Variants in NRF1 observed in about 807,000 individuals in gnomAD.
The protein encoded by NRF1 is nuclear respiratory factor 1, also known as alpha palindromic-binding protein.
In NRF1, 5 loss-of-function variants were observed where a neutral mutation model predicts 58.5. The observed-to-expected ratio is 0.09, with a 90% CI of 0.04 to 0.18. NRF1 has a LOEUF of 0.18. Ranked by LOEUF, NRF1 falls within the 10% of genes least tolerant of loss-of-function variation. NRF1 has a pLI of 1.00. For missense variants in NRF1, 288 were observed against 657.7 expected, an observed-to-expected ratio of 0.44 and a Z score of 6.15; for synonymous variants, 224 against 246.7, an observed-to-expected ratio of 0.91 and a Z score of 0.86.
At chr7:129,675,425 A>G (rs1802153602) in intron 3 of NRF1, among the ~76,000 whole-genome samples, 1 of 152,252 alleles carries the variant, frequency 6.6e-6, no homozygotes, top group Non-Finnish European at 1.5e-5. Context: ...AATCCGTTCT[A>G]GAAGGTTTTC....
intron 1 of NRF1, among the ~76,000 whole-genome samples, chr7:129,628,604 C>G (rs1800975181): frequency 6.6e-6 from 1 of 152,176 alleles, no homozygotes; most frequent in Non-Finnish European, 1.5e-5. Flanking sequence ...CAGCTGAAGT[C>G]TCATCTGCTT....
At chr7:129,702,280 A>G (rs1802843326) in intron 5 of NRF1, among the ~76,000 whole-genome samples, 1 of 152,218 alleles carries the variant, frequency 6.6e-6, no homozygotes, top group South Asian at 2.1e-4. Context: ...AAAGTTTGAT[A>G]GGTTGGGGGT....
At chr7:129,697,683 A>C in intron 5 of NRF1, among the ~76,000 whole-genome samples, 1 of 152,170 alleles carries the variant, frequency 6.6e-6, no homozygotes, top group Non-Finnish European at 1.5e-5. Context: ...TATTGTGTTC[A>C]TTATTCAGAT....
chr7:129,739,650 C>G (rs2116291198), intron 10 of NRF1, among the ~76,000 whole-genome samples: 1 of 152,098 alleles, frequency 6.6e-6, no homozygotes, highest in South Asian at 2.1e-4. Flanking sequence ...ACTGCAGAGT[C>G]CAAGCAGGAA....
intron 3 of NRF1, among the ~76,000 whole-genome samples, chr7:129,676,355 A>G (rs1584631413): frequency 6.6e-6 from 1 of 152,300 alleles, no homozygotes; most frequent in Admixed American, 6.5e-5. Context: ...CTTCCTCACT[A>G]AGCTTAGTCA....
chr7:129,755,257 G>A lies in NRF1; in HGVS notation c.*76G>A. The A allele has an allele frequency of 1.6e-6, 2 of 1,279,974 alleles. No individual in the cohort carries two copies. The highest frequency in any genetic ancestry group is 2.0e-5 in the South Asian group (1 of 50,390). The allele number at this position is 1,279,974 out of a possible 1,614,324, so 79.3% of individuals were successfully genotyped here. A position where few individuals can be genotyped will look rare whatever the true frequency, so the allele number is the denominator to read the frequency against. On this transcript the variant is annotated 3_prime_UTR_variant, in exon 11 of 11. Transcript: ENST00000393232. This position sits in a 1 kb window ranked among gnomAD's most constrained non-coding sequence, Gnocchi z 5.8. ...CACGTTTGCAGAGGTGCAATCAAATGGAATTAAGTCTCTCGACTTTGGAAG... is the reference window on the plus strand; with the variant it reads ...CACGTTTGCAGAGGTGCAATCAAATAGAATTAAGTCTCTCGACTTTGGAAG...
At chr7:129,616,466 G>A (rs1176180929) in intron 1 of NRF1, among the ~76,000 whole-genome samples, 4 of 152,166 alleles carry the variant, frequency 2.6e-5, no homozygotes, top group African/African-American at 7.2e-5. Flanking sequence ...TGGGTATGGT[G>A]GCATATGCCT....
chr7:129,661,925 C>T (rs1000348682), intron 2 of NRF1, among the ~76,000 whole-genome samples: 1 of 150,708 alleles, frequency 6.6e-6, no homozygotes, highest in African/African-American at 2.5e-5. Context: ...TTTCGGTGGA[C>T]TTACAGATCT....
chr7:129,638,818 A>C lies in NRF1; in HGVS notation c.-6-18528A>C, dbSNP rs528301319. On this transcript the variant is annotated intron_variant, in intron 1 of 10. Coordinates refer to ENST00000393232, the MANE Select transcript of NRF1 (RefSeq NM_005011.5). ...GATATCTTTTATAGACTTAAATTCTAAAATGGAGATGTTATGCCTAGTTTT... is the reference window on the plus strand; with the variant it reads ...GATATCTTTTATAGACTTAAATTCTCAAATGGAGATGTTATGCCTAGTTTT... 2.9e-4 allele frequency among the ~76,000 whole-genome samples: 44 copies of C among 152,302 alleles called. 2 individuals carry two copies. The South Asian group carries it at 8.7e-3, about 30-fold the overall frequency.
At chr7:129,747,930 A>T (rs952572246) in intron 10 of NRF1, among the ~76,000 whole-genome samples, 1 of 152,214 alleles carries the variant, frequency 6.6e-6, no homozygotes. Context: ...ATACATTTTC[A>T]TATCATATTC....
intron 10 of NRF1, among the ~76,000 whole-genome samples, chr7:129,750,793 G>C (rs750792649): frequency 4.6e-5 from 7 of 152,190 alleles, no homozygotes; most frequent in Non-Finnish European, 7.3e-5. Context: ...CTTGAATATA[G>C]TATTTTTGAA....
intron 1 of NRF1, among the ~76,000 whole-genome samples, chr7:129,647,199 G>A (rs1447536112): frequency 6.6e-6 from 1 of 151,714 alleles, no homozygotes; most frequent in African/African-American, 2.4e-5. Context: ...CACCATGTCC[G>A]GCTAATTTTT....
At position 129,756,630 on chromosome 7, in the gene NRF1, T is replaced by TCCTCCTC. The variant is rs1804265692; in HGVS notation, c.*1459_*1465dup. ...TCTGAACCTTGAGTACAGGGACAGCTCCTCCTCCCTCCTCCCAGCTCTCCC... is the reference window on the plus strand; with the variant it reads ...TCTGAACCTTGAGTACAGGGACAGCTCCTCCTCCCTCCTCCCTCCTCCCAGCTCTCCC... On this transcript the variant is annotated 3_prime_UTR_variant, in exon 11 of 11. Transcript: ENST00000393232. The TCCTCCTC allele has an allele frequency of 6.6e-6, 1 of 152,634 alleles. No individual in the cohort carries two copies. Among genetic ancestry groups the TCCTCCTC allele is most frequent in the African/African-American group, 2.4e-5 (1 of 41,418 alleles). 9.5% of individuals were successfully genotyped at this position (152,634 alleles called of 1,614,324 possible).
At chr7:129,719,545 A>ACACACACACACAC (rs1562982215) in intron 9 of NRF1, among the ~76,000 whole-genome samples, 2 of 93,094 alleles carry the variant, frequency 2.1e-5, no homozygotes, top group Non-Finnish European at 5.6e-5. Flanking sequence ...CACACACACA[A>ACACACACACACAC]CACATCTTCT....
chr7:129,629,277 C>CTTT (rs35383948), intron 1 of NRF1, among the ~76,000 whole-genome samples: 3 of 142,428 alleles, frequency 2.1e-5, no homozygotes, highest in Admixed American at 1.4e-4. Flanking sequence ...AGCACACACG[C>CTTT]TTTTTTTTTT....
intron 1 of NRF1, among the ~76,000 whole-genome samples, chr7:129,619,433 T>TACACACACACACACACACAC (rs754223551): frequency 4.6e-5 from 3 of 65,862 alleles, no homozygotes; most frequent in African/African-American, 2.5e-4. Context: ...TATATATATA[T>TACACACACACACACACACAC]ACACACACAC....
chr7:129,677,233 C>T (rs757876794), intron 3 of NRF1, among the ~76,000 whole-genome samples: 3 of 152,012 alleles, frequency 2.0e-5, no homozygotes, highest in Non-Finnish European at 2.9e-5. Context: ...AGGCTGGTCT[C>T]GAACTCGTGG....
intron 1 of NRF1, among the ~76,000 whole-genome samples, chr7:129,639,545 CT>C (rs11325662): frequency 0.67 from 83,164 of 123,648 alleles, 26,692 homozygotes; most frequent in East Asian, 0.71. Context: ...CCCCACAACC[CT>C]TTTTTTTTTT....
At chr7:129,620,428 A>C (rs1218466216) in intron 1 of NRF1, among the ~76,000 whole-genome samples, 4 of 145,104 alleles carry the variant, frequency 2.8e-5, no homozygotes, top group African/African-American at 1.0e-4. Context: ...TCGCTTTGTC[A>C]CCCAGACTGG....
Sources: allele counts gnomAD v4.1 joint callset (sites outside exome capture counted in the v4.1 genomes callset), GRCh38; gene constraint gnomAD v4.1.1; non-coding constraint Gnocchi (gnomAD v3.1); transcripts MANE v1.5; gene names NCBI Gene and HGNC (gene_info 2026-07-23, HGNC 2026-07-21).